Variants in MLLT3 observed in about 807,000 individuals in gnomAD.
The protein encoded by MLLT3 is protein AF-9.
MLLT3 carries 4 observed loss-of-function variants against 53.2 expected under a neutral mutation model. The ratio of observed to expected loss-of-function variants is 0.08; its 90% confidence interval spans 0.04 to 0.17. MLLT3 has a LOEUF of 0.17. Ranked by LOEUF, MLLT3 falls within the 10% of genes least tolerant of loss-of-function variation. MLLT3 has a pLI of 1.00. For synonymous variants in MLLT3, 283 were observed against 230.6 expected, an observed-to-expected ratio of 1.23 and a Z score of -2.06; for missense variants, 569 against 684.0, an observed-to-expected ratio of 0.83 and a Z score of 1.87.
chr9:20,342,179 A>G lies in MLLT3; in HGVS notation c.*4264T>C, dbSNP rs984945117. ...TTGGTCAAATGACTCTCAGCAAATC[A>G]GTACAATTATACATTTTAAAAAAGG... On this transcript the variant is annotated 3_prime_UTR_variant, in exon 11 of 11. Coordinates refer to ENST00000380338, the MANE Select transcript of MLLT3 (RefSeq NM_004529.4). The G allele has an allele frequency of 4.6e-6, 1 of 217,456 alleles. No homozygotes were observed. The highest frequency in any genetic ancestry group is 2.2e-5 in the African/African-American group (1 of 44,542). The allele number at this position is 217,456 out of a possible 1,614,324, so 13.5% of individuals were successfully genotyped here.
chr9:20,444,919 C>T (rs538749203), intron 4 of MLLT3, among the ~76,000 whole-genome samples: 39 of 150,654 alleles, frequency 2.6e-4, no homozygotes, highest in African/African-American at 9.4e-4. Flanking sequence ...CAGTAAGACC[C>T]TGTCTCTACA....
intron 2 of MLLT3, among the ~76,000 whole-genome samples, chr9:20,544,780 C>T (rs1818742578): frequency 6.6e-6 from 1 of 152,086 alleles, no homozygotes; most frequent in South Asian, 2.1e-4. Context: ...AATATTTGTA[C>T]CCCCACGTTC....
At chr9:20,514,004 G>A (rs1817835163) in intron 2 of MLLT3, among the ~76,000 whole-genome samples, 2 of 152,218 alleles carry the variant, frequency 1.3e-5, no homozygotes, top group South Asian at 2.1e-4. Flanking sequence ...GATTCTGATG[G>A]AAAGTTGGAA....
chr9:20,621,745 T>TCA lies in MLLT3; in HGVS notation c.12+498_12+499dup. On this transcript the variant is annotated intron_variant, in intron 1 of 10. Coordinates refer to ENST00000380338, the MANE Select transcript of MLLT3 (RefSeq NM_004529.4). The surrounding 1 kb of genome is among the most constrained non-coding windows in gnomAD (Gnocchi z 7.0). Reference sequence around the variant, plus strand: ...CGCTGTCAGCCCCGCACACTTCGGCTCACACACGCGCGCCGCGGAGAACGC... The same window carrying TCA: ...CGCTGTCAGCCCCGCACACTTCGGCTCACACACACGCGCGCCGCGGAGAACGC... 1 of 1,490,768 alleles carries TCA rather than the reference T, an allele frequency of 6.7e-7. No homozygotes were observed. The highest frequency in any genetic ancestry group is 8.9e-7 in the Non-Finnish European group (1 of 1,128,012). The allele number at this position is 1,490,768 out of a possible 1,614,324, so 92.3% of individuals were successfully genotyped here.
chr9:20,516,837 T>C (rs894627118), intron 2 of MLLT3, among the ~76,000 whole-genome samples: 1 of 152,232 alleles, frequency 6.6e-6, no homozygotes, highest in African/African-American at 2.4e-5. Flanking sequence ...AGGTATATTA[T>C]TTTTACAACA....
intron 4 of MLLT3, among the ~76,000 whole-genome samples, chr9:20,433,053 C>A (rs558651769): frequency 2.6e-5 from 4 of 151,920 alleles, no homozygotes; most frequent in Admixed American, 2.0e-4. Flanking sequence ...GCCTTTTTGC[C>A]CCCTTAACAA....
At chr9:20,460,885 G>A (rs1270484132) in intron 2 of MLLT3, among the ~76,000 whole-genome samples, 1 of 152,144 alleles carries the variant, frequency 6.6e-6, no homozygotes, top group Non-Finnish European at 1.5e-5. Flanking sequence ...TGCCACAGAG[G>A]AAATTTTTCT....
chr9:20,545,302 T>C (rs1818758133), intron 2 of MLLT3, among the ~76,000 whole-genome samples: 1 of 151,980 alleles, frequency 6.6e-6, no homozygotes, highest in Non-Finnish European at 1.5e-5. Context: ...AATAAATCAG[T>C]CATAAAAAGA....
rs185443223 is a variant in MLLT3, at chr9:20,576,039, T to C, written c.193+44615A>G. 9.3e-4 allele frequency among the ~76,000 whole-genome samples: 141 copies of C among 152,324 alleles called. 1 individual carries two copies. Among genetic ancestry groups the C allele is most frequent in the African/African-American group, 3.2e-3 (131 of 41,570 alleles). The stretch of plus-strand genomic sequence containing the variant: ...GTGTAGCCACCTTCCTCAATGATCT[T>C]AGCTAGATCTTCTGGATAATTTGCT... On this transcript the variant is annotated intron_variant, in intron 2 of 10. Coordinates refer to ENST00000380338, the MANE Select transcript of MLLT3 (RefSeq NM_004529.4).
intron 2 of MLLT3, among the ~76,000 whole-genome samples, chr9:20,480,412 C>T (rs1824631755): frequency 6.6e-6 from 1 of 152,172 alleles, no homozygotes; most frequent in Admixed American, 6.5e-5. Flanking sequence ...CTGGAAGTTT[C>T]TCTTCATGCA....
chr9:20,607,759 G>A (rs897000681), intron 2 of MLLT3, among the ~76,000 whole-genome samples: 7 of 151,944 alleles, frequency 4.6e-5, no homozygotes, highest in Non-Finnish European at 1.5e-5. Context: ...ATGCAAATGT[G>A]TTTTCTCACG....
intron 2 of MLLT3, among the ~76,000 whole-genome samples, chr9:20,475,873 T>C (rs969993441): frequency 2.6e-5 from 4 of 152,134 alleles, no homozygotes; most frequent in African/African-American, 9.7e-5. Context: ...AGTAAAGCTA[T>C]TGGTCAGTGT....
intron 2 of MLLT3, among the ~76,000 whole-genome samples, chr9:20,497,041 GTTC>G (rs1394780398): frequency 1.3e-5 from 2 of 152,166 alleles, no homozygotes; most frequent in African/African-American, 4.8e-5. Context: ...ACTCATTGGA[GTTC>G]TTCTTCCGTG....
Position 20,346,515 on chromosome 9 carries a change from A to G in MLLT3, c.1635T>C (p.Phe545=). 6.2e-7 allele frequency: 1 copy of G among 1,613,816 alleles called. No individual in the cohort carries two copies. The highest frequency in any genetic ancestry group is 8.5e-7 in the Non-Finnish European group (1 of 1,179,732). The change falls in exon 11 of 11, where the codon TTT becomes TTC. Residue 545 remains phenylalanine (F), a synonymous_variant. Transcript: ENST00000380338. ...TGGTTTTGTCCAGCGAGCAAAGATC[A>G]AAATCAAATGTTGTGTTTGTGATAT... ...HFHITNTTFD[F]DLCSLDKTTV...
intron 2 of MLLT3, among the ~76,000 whole-genome samples, chr9:20,522,268 C>T (rs1255633502): frequency 1.4e-5 from 2 of 142,472 alleles, no homozygotes; most frequent in African/African-American, 5.2e-5. Context: ...TCATCCCTTC[C>T]AGCTTTGAAA....
At chr9:20,487,501 C>G (rs1824842871) in intron 2 of MLLT3, among the ~76,000 whole-genome samples, 1 of 152,126 alleles carries the variant, frequency 6.6e-6, no homozygotes, top group East Asian at 1.9e-4. Flanking sequence ...CGGAGCCATG[C>G]TTTCCCATGT....
intron 2 of MLLT3, among the ~76,000 whole-genome samples, chr9:20,583,518 C>G (rs1563829599): frequency 6.6e-6 from 1 of 152,150 alleles, no homozygotes; most frequent in Non-Finnish European, 1.5e-5. Flanking sequence ...CCATGAGGGT[C>G]CCACCCCTGC....
At chr9:20,523,891 A>G (rs1431058641) in intron 2 of MLLT3, among the ~76,000 whole-genome samples, 3 of 151,378 alleles carry the variant, frequency 2.0e-5, no homozygotes, top group Non-Finnish European at 2.9e-5. Flanking sequence ...AGTTCGCTTG[A>G]GTTCAGGAGG....
At chr9:20,439,499 C>A (rs2118831814) in intron 4 of MLLT3, among the ~76,000 whole-genome samples, 1 of 149,266 alleles carries the variant, frequency 6.7e-6, no homozygotes, top group Non-Finnish European at 1.5e-5. Flanking sequence ...GAGAAAATTT[C>A]AAATTTGTGC....
Sources: allele counts gnomAD v4.1 joint callset (sites outside exome capture counted in the v4.1 genomes callset), GRCh38; gene constraint gnomAD v4.1.1; non-coding constraint Gnocchi (gnomAD v3.1); transcripts MANE v1.5; gene names NCBI Gene and HGNC (gene_info 2026-07-23, HGNC 2026-07-21).